TMTC4: variants seen among roughly 807,000 people sequenced by gnomAD.
TMTC4 encodes transmembrane O-mannosyltransferase targeting cadherins 4.
In TMTC4, 65 loss-of-function variants were observed where a neutral mutation model predicts 86.0. The ratio of observed to expected loss-of-function variants is 0.76; its 90% confidence interval spans 0.62 to 0.93. TMTC4 has a LOEUF of 0.93. Ranked by LOEUF, TMTC4 falls within the 40% of genes least tolerant of loss-of-function variation. The pLI, the probability that TMTC4 is intolerant of heterozygous loss-of-function variation, is 0.00. For synonymous variants in TMTC4, 379 were observed against 382.5 expected (o/e 0.99, Z 0.11); for missense variants, 866 against 948.1 (o/e 0.91, Z 1.14).
intron 15 of TMTC4, among the ~76,000 whole-genome samples, chr13:100,617,603 TA>T (rs888824794): frequency 1.8e-4 from 28 of 151,830 alleles, no homozygotes; most frequent in Non-Finnish European, 3.7e-4. Flanking sequence ...CCCATTGCTT[TA>T]AAAAAAAATT....
intron 15 of TMTC4, 28 bp downstream of exon 15, chr13:100,625,507 C>T: frequency 6.2e-7 from 1 of 1,611,840 alleles, no homozygotes; most frequent in Non-Finnish European, 8.5e-7. Context: ...ATCTTTCCTT[C>T]CACAGGCACA....
chr13:100,662,800 T>C (rs1031393488), intron 5 of TMTC4, among the ~76,000 whole-genome samples, 164 bp downstream of exon 5: 8 of 152,330 alleles, frequency 5.3e-5, no homozygotes, highest in South Asian at 2.1e-4. Flanking sequence ...AGAGTATTTA[T>C]GTAGTGTCCT....
intron 15 of TMTC4, among the ~76,000 whole-genome samples, chr13:100,620,124 T>C (rs144479394): frequency 9.8e-5 from 15 of 152,302 alleles, no homozygotes; most frequent in Middle Eastern, 3.4e-3. Context: ...AGGAAGTAGA[T>C]GGGTAACATC....
chr13:100,663,975 C>A (rs1886107901), intron 4 of TMTC4, among the ~76,000 whole-genome samples: 2 of 152,150 alleles, frequency 1.3e-5, no homozygotes, highest in Admixed American at 1.3e-4. Context: ...TGGTGTTAAC[C>A]AGCAAAGGGT....
chr13:100,656,636 T>G (rs974609702), intron 5 of TMTC4, among the ~76,000 whole-genome samples, 168 bp from the exon 6 acceptor site: 1 of 144,590 alleles, frequency 6.9e-6, no homozygotes, highest in African/African-American at 2.6e-5. Context: ...TCAACCCCCC[T>G]GGGCTCAAGC....
intron 6 of TMTC4, among the ~76,000 whole-genome samples, chr13:100,649,975 C>T (rs1359098739): frequency 1.3e-5 from 2 of 152,060 alleles, no homozygotes; most frequent in East Asian, 3.9e-4. Context: ...CTAACTTGTG[C>T]ATGGCTCTAT....
At chr13:100,633,914 CG>C (rs1326555578) in intron 12 of TMTC4, among the ~76,000 whole-genome samples, 1 of 152,100 alleles carries the variant, frequency 6.6e-6, no homozygotes, top group Admixed American at 6.5e-5. Flanking sequence ...CTGAAGCAGA[CG>C]GATCACTTGA....
chr13:100,673,963 AC>A, intron 1 of TMTC4: 1 of 912,228 alleles, frequency 1.1e-6, no homozygotes, highest in Non-Finnish European at 1.3e-6. Context: ...GTGTGGGATG[AC>A]TCATAGTGGC....
chr13:100,634,100 C>T (rs985184173), intron 12 of TMTC4, among the ~76,000 whole-genome samples: 5 of 150,422 alleles, frequency 3.3e-5, no homozygotes, highest in African/African-American at 1.2e-4. Flanking sequence ...GATCGCACCA[C>T]TGCACTCCAG....
At chr13:100,632,053 A>ACACTCTCTCTCTCTCTCTCT (rs1296569630) in intron 12 of TMTC4, among the ~76,000 whole-genome samples, 19 of 43,134 alleles carry the variant, frequency 4.4e-4, no homozygotes, top group Non-Finnish European at 6.6e-4. Flanking sequence ...ACACACACAC[A>ACACTCTCTCTCTCTCTCTCT]CTCTCTCTCT....
At chr13:100,652,208 G>A (rs983517090) in intron 6 of TMTC4, among the ~76,000 whole-genome samples, 1 of 152,036 alleles carries the variant, frequency 6.6e-6, no homozygotes. Context: ...TGCTGGGCAC[G>A]GTGGCTCAGC....
In TMTC4 at chr13:100,636,539, T is replaced by C; in HGVS notation, c.1195A>G (p.Lys399Glu). 6.2e-7 allele frequency: 1 copy of C among 1,614,234 alleles called. No homozygotes were observed. Among genetic ancestry groups the C allele is most frequent in the Non-Finnish European group, 8.5e-7 (1 of 1,180,054 alleles). The change falls in exon 10 of 19, where the codon AAG becomes GAG. Residue 399 changes from lysine (K) to glutamate (E), a missense_variant. Lys to Glu is a moderately conservative substitution (Grantham distance 56, BLOSUM62 1). Coordinates refer to ENST00000342624, the MANE Select transcript of TMTC4 (RefSeq NM_032813.5). ...CQALCSEDGH[K>E]RRILTLGLGF... Reference sequence around the variant, plus strand: ...TTCAGTGCTGCCTCTTACCTTCTCTTGTGGCCGTCTTCAGAGCACAGGGCT... The same window carrying C: ...TTCAGTGCTGCCTCTTACCTTCTCTCGTGGCCGTCTTCAGAGCACAGGGCT...
At chr13:100,609,915 A>T (rs1283987349) in intron 17 of TMTC4, among the ~76,000 whole-genome samples, 1 of 152,226 alleles carries the variant, frequency 6.6e-6, no homozygotes, top group Non-Finnish European at 1.5e-5. Flanking sequence ...CCACGCAGAT[A>T]TAACGAGAAC....
At chr13:100,649,523 T>C (rs1032108837) in intron 6 of TMTC4, among the ~76,000 whole-genome samples, 3 of 152,192 alleles carry the variant, frequency 2.0e-5, no homozygotes, top group African/African-American at 7.2e-5. Context: ...ACTTTGCATA[T>C]AGTGGGCACT....
At chr13:100,661,005 A>G (rs772658133) in intron 5 of TMTC4, among the ~76,000 whole-genome samples, 2 of 152,232 alleles carry the variant, frequency 1.3e-5, no homozygotes, top group African/African-American at 2.4e-5. Context: ...GAATGCAGAC[A>G]GAAGGAAACT....
chr13:100,656,584 C>G, intron 5 of TMTC4, 116 bp from the exon 6 acceptor site: 2 of 568,498 alleles, frequency 3.5e-6, no homozygotes, highest in South Asian at 4.4e-5. Flanking sequence ...ACTCTGCCAC[C>G]CAGGCTGGAG....
At chr13:100,648,380 A>G (rs951508434) in intron 6 of TMTC4, among the ~76,000 whole-genome samples, 2 of 152,238 alleles carry the variant, frequency 1.3e-5, no homozygotes, top group African/African-American at 2.4e-5. Flanking sequence ...ATATGTTGGA[A>G]TTATAATTTT....
Position 100,637,664 on chromosome 13 carries a change from T to C in TMTC4, c.873A>G (p.Arg291=). The C allele has an allele frequency of 6.2e-7, 1 of 1,614,098 alleles. No individual in the cohort carries two copies. The highest frequency in any genetic ancestry group is 8.5e-7 in the Non-Finnish European group (1 of 1,180,010). ...CCCCTCCAGAGGTGAGCAGGGTCAT[T>C]CTGAAGAGGAGGCCCCCGTTCCTGA... ...GMLRNGGLLF[R]MTLLTSGGAG... is the part of the protein sequence containing the mutation. Residue 291 remains arginine, a synonymous_variant, in exon 9 of 19, where the codon AGA becomes AGG. Coordinates refer to ENST00000342624, the MANE Select transcript of TMTC4 (RefSeq NM_032813.5).
intron 6 of TMTC4, among the ~76,000 whole-genome samples, chr13:100,648,451 C>T (rs941407235): frequency 1.2e-4 from 18 of 152,170 alleles, no homozygotes; most frequent in South Asian, 6.2e-4. Context: ...CTTTTTATAA[C>T]GCGGCTACTT....
Sources: allele counts gnomAD v4.1 joint callset (sites outside exome capture counted in the v4.1 genomes callset), GRCh38; gene constraint gnomAD v4.1.1; transcripts MANE v1.5; gene names NCBI Gene and HGNC (gene_info 2026-07-23, HGNC 2026-07-21).